NUDT18: variants seen among roughly 807,000 people sequenced by gnomAD.
NUDT18 encodes the protein nudix hydrolase 18.
Under a neutral mutation model 27.6 loss-of-function variants are expected in NUDT18, and 26 were observed. That is an observed-to-expected ratio of 0.94 (90% confidence interval 0.69 to 1.31). NUDT18 has a LOEUF of 1.31. NUDT18 is among the 50% of genes most tolerant of loss of function. The pLI is 0.00. For missense variants in NUDT18, 450 were observed against 433.4 expected, an observed-to-expected ratio of 1.04 and a Z score of -0.34; for synonymous variants, 220 against 196.9, an observed-to-expected ratio of 1.12 and a Z score of -0.98.
chr8:22,107,566 G>A lies in NUDT18; in HGVS notation c.706C>T (p.Arg236Trp), dbSNP rs756076979. The change falls in exon 3 of 3, where the codon CGG (arginine) becomes TGG (tryptophan). Residue 236 changes from arginine to tryptophan, a missense_variant. Coordinates refer to ENST00000611621, the MANE Select transcript of NUDT18 (RefSeq NM_024815.4). ...QRGGMKMAVL[R>W]LLQECLTLHH... ...AGGGTCAGACACTCCTGCAGCAGCC[G>A]CAGGACGGCCATCTTCATGCCACCC... The A allele has an allele frequency of 1.5e-5, 24 of 1,612,958 alleles. No individual in the cohort carries two copies. Among genetic ancestry groups the A allele is most frequent in the East Asian group, 2.2e-5 (1 of 44,894 alleles).
upstream of NUDT18, among the ~76,000 whole-genome samples, chr8:22,110,048 G>A (rs1214487367): frequency 1.3e-5 from 2 of 151,680 alleles, no homozygotes; most frequent in African/African-American, 2.4e-5. Flanking sequence ...GACAGGCGCT[G>A]GAAGGAGGGA....
upstream of NUDT18, chr8:22,109,494 G>A (rs1346050255): frequency 4.1e-6 from 2 of 490,518 alleles, no homozygotes; most frequent in South Asian, 3.1e-5. Flanking sequence ...GCCGCGGCCT[G>A]CCCGGATTGG....
At chr8:22,108,747 C>T (rs1418438639) in intron 1 of NUDT18, among the ~76,000 whole-genome samples, 1 of 152,252 alleles carries the variant, frequency 6.6e-6, no homozygotes, top group East Asian at 1.9e-4. Flanking sequence ...TGAAACACGA[C>T]CCCCACCTCC....
In NUDT18 at chr8:22,107,707, A is replaced by G; in HGVS notation, c.565T>C (p.Cys189Arg). 1.2e-6 allele frequency: 2 copies of G among 1,613,434 alleles called. No individual in the cohort carries two copies. The highest frequency in any genetic ancestry group is 1.7e-6 in the Non-Finnish European group (2 of 1,179,712). Residue 189 changes from cysteine to arginine, a missense_variant, in exon 3 of 3, where the codon TGC (cysteine) becomes CGC (arginine). Cys to Arg is a radical substitution (Grantham distance 180). Transcript: ENST00000611621. ...LPQELPCDLV[C>R]QRLVATFTSA... is the part of the protein sequence containing the mutation. Reference sequence around the variant, plus strand: ...GTAAAGGTAGCCACGAGCCGCTGGCAGACCAGATCACAGGGTAGCTCTTGG... The same window carrying G: ...GTAAAGGTAGCCACGAGCCGCTGGCGGACCAGATCACAGGGTAGCTCTTGG...
chr8:22,110,305 G>T (rs1370730217), upstream of NUDT18, among the ~76,000 whole-genome samples: 2 of 152,266 alleles, frequency 1.3e-5, no homozygotes, highest in Non-Finnish European at 2.9e-5. Flanking sequence ...TGTGGCGAGC[G>T]CCTGCTCCTC....
At position 22,108,247 on chromosome 8, in the gene NUDT18, GCGCCTCCACGATGGTC is replaced by G. The variant is rs1684700510; in HGVS notation, c.246_261del (p.Glu82AspfsTer6). ...GCCTCCTCCTTCACCTCCCGCTGCAGCGCCTCCACGATGGTCTCCCCTGGCTCCATTCTCCCCGCAG... is the reference window on the plus strand; with the variant it reads ...GCCTCCTCCTTCACCTCCCGCTGCAGTCCCCTGGCTCCATTCTCCCCGCAG... On this transcript the variant is annotated frameshift_variant, in exon 2 of 3. Coordinates refer to ENST00000611621, the MANE Select transcript of NUDT18 (RefSeq NM_024815.4). LOFTEE classifies it high-confidence loss of function. 5.9e-5 allele frequency: 95 copies of G among 1,597,782 alleles called. No individual in the cohort carries two copies. Among genetic ancestry groups the G allele is most frequent in the Non-Finnish European group, 8.0e-5 (94 of 1,172,972 alleles).
At chr8:22,108,385 T>C (rs1295413084) in intron 1 of NUDT18, 39 bp from the exon 2 acceptor site, 1 of 1,523,104 alleles carries the variant, frequency 6.6e-7, no homozygotes, top group Non-Finnish European at 8.9e-7. Flanking sequence ...GCCACAGCCT[T>C]CCCTCGCCCC....
At chr8:22,108,614 G>T (rs1201795473) in intron 1 of NUDT18, among the ~76,000 whole-genome samples, 1 of 152,222 alleles carries the variant, frequency 6.6e-6, no homozygotes, top group Non-Finnish European at 1.5e-5. Context: ...AGGCCCCAGA[G>T]TGAGGGTCAC....
rs755805084 is a variant in NUDT18 at position 22,108,304 on chromosome 8, C to A, written c.205G>T (p.Gly69Trp). The A allele has an allele frequency of 3.1e-6, 5 of 1,589,248 alleles. No individual in the cohort carries two copies. In the African/African-American group the frequency reaches 6.7e-5, roughly 21 times the overall value. The change falls in exon 2 of 3, where the codon GGG becomes TGG. Residue 69 changes from glycine to tryptophan, a missense_variant. By Grantham distance (184) the Gly-to-Trp change is radical (BLOSUM62 -2). Transcript: ENST00000611621. ...LIQEAKRECRGSWYLPAGRME... is the reference protein window; with the variant it reads ...LIQEAKRECRWSWYLPAGRME... ...CTCCCCGCAGGCAGGTACCACGACC[C>A]CCGGCACTCCCTCTTGGCCTCCTGG... is the stretch of plus-strand genomic sequence containing the variant.
At position 22,109,113 on chromosome 8, in the gene NUDT18, C is replaced by A. The variant is rs751939250; in HGVS notation, c.162+26G>T. ...GGGCTGGCTGCGCGCTCCCGAGGCCCGGCGGGCCCGGGGGCGGCCGCTCAC... is the reference window on the plus strand; with the variant it reads ...GGGCTGGCTGCGCGCTCCCGAGGCCAGGCGGGCCCGGGGGCGGCCGCTCAC... On this transcript the variant is annotated intron_variant, in intron 1 of 2. Transcript: ENST00000611621. 93 of 1,391,532 alleles carry A rather than the reference C, an allele frequency of 6.7e-5. No homozygotes were observed. The South Asian group carries it at 1.2e-3, about 17-fold the overall frequency. The allele number at this position is 1,391,532 out of a possible 1,614,324, so 86.2% of individuals were successfully genotyped here. A position where few individuals can be genotyped will look rare whatever the true frequency, so the allele number is the denominator to read the frequency against.
At chr8:22,109,611 T>C (rs972281231), upstream of NUDT18, 1 of 499,806 alleles carries the variant, frequency 2.0e-6, no homozygotes, top group African/African-American at 1.9e-5. Context: ...CTGCCGCCTG[T>C]CAGTCCCGTG....
chr8:22,107,235 G>A lies in NUDT18; in HGVS notation c.*65C>T. ...GATCGCCAGCCTCTTGCCTCCCTCA[G>A]AGGGAGACAAGTCCGCACTGGAGGG... On this transcript the variant is annotated 3_prime_UTR_variant, in exon 3 of 3. Transcript: ENST00000611621. 5.4e-6 allele frequency: 7 copies of A among 1,295,210 alleles called. No homozygotes were observed. The highest frequency in any genetic ancestry group is 7.4e-6 in the Non-Finnish European group (7 of 950,002). 80.2% of individuals were successfully genotyped at this position (1,295,210 alleles called of 1,614,324 possible). A position where few individuals can be genotyped will look rare whatever the true frequency, so the allele number is the denominator to read the frequency against.
intron 1 of NUDT18, 90 bp from the exon 2 acceptor site, chr8:22,108,436 C>G: frequency 8.5e-7 from 1 of 1,183,390 alleles, no homozygotes; most frequent in Non-Finnish European, 1.2e-6. Context: ...CCAAGACTCC[C>G]CTCTGGGTGG....
chr8:22,109,580 C>G (rs1471174243), upstream of NUDT18: 4 of 523,808 alleles, frequency 7.6e-6, no homozygotes, highest in African/African-American at 3.9e-5. Flanking sequence ...GGTCCGGAGC[C>G]CAGCGGACCC....
At position 22,109,397 on chromosome 8, in the gene NUDT18, G is replaced by GAGCCCGCTCCCAGTCCCTGCGT; in HGVS notation, c.-98_-97insACGCAGGGACTGGGAGCGGGCT. On this transcript the variant is annotated 5_prime_UTR_variant, in exon 1 of 3. Coordinates refer to ENST00000611621, the MANE Select transcript of NUDT18 (RefSeq NM_024815.4). ...GCGGAGCCCGCTCCCAGTCCCTGCG[G>GAGCCCGCTCCCAGTCCCTGCGT]CAGCGGGCCGGGAGCTCACGAGAAC... 8.5e-6 allele frequency: 10 copies of GAGCCCGCTCCCAGTCCCTGCGT among 1,170,388 alleles called. No individual in the cohort carries two copies. The highest frequency in any genetic ancestry group is 1.1e-5 in the Non-Finnish European group (10 of 902,234). 72.5% of individuals were successfully genotyped at this position (1,170,388 alleles called of 1,614,324 possible).
chr8:22,108,838 C>T (rs977408783), intron 1 of NUDT18, among the ~76,000 whole-genome samples: 5 of 152,196 alleles, frequency 3.3e-5, no homozygotes, highest in Non-Finnish European at 7.3e-5. Context: ...GCACCAAAGG[C>T]CTGAAGGTAA....
In NUDT18 at chr8:22,109,418, A is replaced by C. The variant is rs530719553; in HGVS notation, c.-118T>G. The C allele has an allele frequency of 9.4e-5, 35 of 371,888 alleles. No homozygotes were observed. The East Asian group carries it at 9.5e-4, about 10-fold the overall frequency. The allele number at this position is 371,888 out of a possible 1,614,324, so 23.0% of individuals were successfully genotyped here. On this transcript the variant is annotated 5_prime_UTR_variant, in exon 1 of 3. Coordinates refer to ENST00000611621, the MANE Select transcript of NUDT18 (RefSeq NM_024815.4). Reference sequence around the variant, plus strand: ...TGCGGCAGCGGGCCGGGAGCTCACGAGAACGCGGAAGCGCACGCGAACGCG... The same window carrying C: ...TGCGGCAGCGGGCCGGGAGCTCACGCGAACGCGGAAGCGCACGCGAACGCG...
At position 22,107,808 on chromosome 8, in the gene NUDT18, C is replaced by T. The variant is rs1270855846; in HGVS notation, c.464G>A (p.Arg155Gln). 8 of 1,613,184 alleles carry T rather than the reference C, an allele frequency of 5.0e-6. No individual in the cohort carries two copies. Among genetic ancestry groups the T allele is most frequent in the South Asian group, 2.2e-5 (2 of 91,026 alleles). ...AACCAGGTGCAGGATGTCATGGGCT[C>T]GCAGCGGAGTGGGCAGGGAGGTCCG... ...YPRTSLPTPL[R>Q]AHDILHLVEL... Residue 155 changes from arginine to glutamine, a missense_variant, in exon 3 of 3, where the codon CGA (arginine) becomes CAA (glutamine). By Grantham distance (43) the Arg-to-Gln change is conservative. Coordinates refer to ENST00000611621, the MANE Select transcript of NUDT18 (RefSeq NM_024815.4).
chr8:22,107,253 CT>C lies in NUDT18; in HGVS notation c.*46del, dbSNP rs1267026833. ...TCCCTCAGAGGGAGACAAGTCCGCA[CT>C]GGAGGGAGCACGGCTGCCTAGCTCC... On this transcript the variant is annotated 3_prime_UTR_variant, in exon 3 of 3. Coordinates refer to ENST00000611621, the MANE Select transcript of NUDT18 (RefSeq NM_024815.4). 7.0e-7 allele frequency: 1 copy of C among 1,436,344 alleles called. No individual in the cohort carries two copies. The highest frequency in any genetic ancestry group is 1.4e-5 in the African/African-American group (1 of 70,342). 89.0% of individuals were successfully genotyped at this position (1,436,344 alleles called of 1,614,324 possible).
Sources: gnomAD v4.1 joint callset for allele counts (sites outside exome capture counted in the v4.1 genomes callset) on GRCh38, gnomAD v4.1.1 for gene constraint, MANE v1.5 for transcripts, NCBI Gene and HGNC (gene_info 2026-07-23, HGNC 2026-07-21) for gene names.